The following NKD2 variants were observed in gnomAD, a reference collection of about 807,000 sequenced individuals.
The protein encoded by NKD2 is NKD inhibitor of Wnt signaling pathway 2.
Under a neutral mutation model 34.8 loss-of-function variants are expected in NKD2, and 43 were observed. The ratio of observed to expected loss-of-function variants is 1.24; its 90% confidence interval spans 0.97 to 1.60. NKD2 has a LOEUF of 1.60. NKD2 is among the 40% of genes most tolerant of loss of function. The pLI is 0.00. For missense variants in NKD2, 675 were observed against 627.1 expected (o/e 1.08, Z -0.82); for synonymous variants, 278 against 265.1 (o/e 1.05, Z -0.47).
chr5:1,020,534 T>A, intron 3 of NKD2, among the ~76,000 whole-genome samples: 1 of 152,104 alleles, frequency 6.6e-6, no homozygotes, highest in Middle Eastern at 3.2e-3. Flanking sequence ...CCAGTGGCGC[T>A]CACAGCTTCC....
At chr5:1,017,984 G>T (rs1378163786) in intron 3 of NKD2, among the ~76,000 whole-genome samples, 1 of 152,094 alleles carries the variant, frequency 6.6e-6, no homozygotes, top group African/African-American at 2.4e-5. Context: ...TGGGTGTCAG[G>T]ACAGTGTGTG....
intron 3 of NKD2, among the ~76,000 whole-genome samples, chr5:1,016,771 C>T (rs1755969121): frequency 2.0e-5 from 3 of 152,210 alleles, no homozygotes; most frequent in African/African-American, 4.8e-5. Context: ...CTAAGGGGGA[C>T]GTGACAAGAG....
intron 4 of NKD2, 92 bp from the exon 5 acceptor site, chr5:1,033,280 G>C (rs1287001851): frequency 8.2e-7 from 1 of 1,214,060 alleles, no homozygotes; most frequent in Non-Finnish European, 1.2e-6. Context: ...GGATCATGGT[G>C]TGGTGAGGGG....
intron 3 of NKD2, among the ~76,000 whole-genome samples, chr5:1,015,961 G>A (rs1164933707): frequency 2.6e-5 from 4 of 152,206 alleles, no homozygotes; most frequent in Admixed American, 6.5e-5. Context: ...CTGAGCCGTC[G>A]TCTGTCACAG....
chr5:1,015,777 C>A (rs773300824), intron 3 of NKD2, among the ~76,000 whole-genome samples: 2 of 152,192 alleles, frequency 1.3e-5, no homozygotes, highest in Non-Finnish European at 2.9e-5. Context: ...GGGGCCTGTG[C>A]TGCGTCCTGG....
intron 9 of NKD2, among the ~76,000 whole-genome samples, chr5:1,036,626 T>G (rs1252445774): frequency 1.3e-5 from 2 of 151,306 alleles, no homozygotes; most frequent in Admixed American, 1.3e-4. Context: ...CCCGTCCAGG[T>G]GTGTGTATGT....
At chr5:1,032,307 T>A (rs1756677143) in intron 4 of NKD2, 95 bp downstream of exon 4, 1 of 971,982 alleles carries the variant, frequency 1.0e-6, no homozygotes, top group Non-Finnish European at 1.6e-6. Flanking sequence ...CAACCCCGTG[T>A]GCGGAGCGAG....
chr5:1,020,313 G>C (rs1425904487), intron 3 of NKD2, among the ~76,000 whole-genome samples: 1 of 152,194 alleles, frequency 6.6e-6, no homozygotes, highest in Non-Finnish European at 1.5e-5. Context: ...GTTCACATAT[G>C]TGAGTACACA....
chr5:1,018,874 G>C (rs879670955), intron 3 of NKD2, among the ~76,000 whole-genome samples: 2 of 152,154 alleles, frequency 1.3e-5, no homozygotes, highest in Non-Finnish European at 2.9e-5. Context: ...AGTGTCACAA[G>C]CTGGGCCCAC....
chr5:1,016,813 AC>A (rs1413881056), intron 3 of NKD2, among the ~76,000 whole-genome samples: 6 of 152,140 alleles, frequency 3.9e-5, no homozygotes, highest in Non-Finnish European at 5.9e-5. Context: ...AACAGAGCCT[AC>A]CCCATCCTCC....
chr5:1,036,289 A>G lies in NKD2; in HGVS notation c.692A>G (p.Glu231Gly), dbSNP rs764972644. The G allele has an allele frequency of 2.1e-5, 34 of 1,611,866 alleles. No homozygotes were observed. The highest frequency in any genetic ancestry group is 2.9e-5 in the Non-Finnish European group (34 of 1,179,396). Residue 231 changes from glutamate to glycine, a missense_variant, in exon 9 of 10, where the codon GAG becomes GGG. Physicochemically the swap from Glu to Gly is moderately conservative, Grantham distance 98. Transcript: ENST00000296849. The stretch of plus-strand genomic sequence containing the variant: ...AGTACTGACCCCCAGCCCTGCTCGG[A>G]GCGGGGGCCCTACTGCGTGGACGAG... ...RPSTDPQPCS[E>G]RGPYCVDENT...
chr5:1,021,569 G>A (rs1050561769), intron 3 of NKD2, among the ~76,000 whole-genome samples: 7 of 151,900 alleles, frequency 4.6e-5, no homozygotes, highest in African/African-American at 1.4e-4. Context: ...CACATGTGTC[G>A]GAATTATTAA....
chr5:1,026,988 C>T (rs902044525), intron 3 of NKD2, among the ~76,000 whole-genome samples: 1 of 152,260 alleles, frequency 6.6e-6, no homozygotes, highest in African/African-American at 2.4e-5. Context: ...CCTGGCAGCC[C>T]AGTTTGTAGG....
At chr5:1,032,385 G>T (rs545780672) in intron 4 of NKD2, among the ~76,000 whole-genome samples, 173 bp downstream of exon 4, 1 of 152,226 alleles carries the variant, frequency 6.6e-6, no homozygotes, top group African/African-American at 2.4e-5. Context: ...CAGGGTCCTC[G>T]CTGGACTGGC....
chr5:1,038,306 G>C lies in NKD2; in HGVS notation c.1289G>C (p.Arg430Pro), dbSNP rs369143981. 1.9e-6 allele frequency: 3 copies of C among 1,543,858 alleles called. No homozygotes were observed. Among genetic ancestry groups the C allele is most frequent in the Non-Finnish European group, 2.6e-6 (3 of 1,150,724 alleles). ...GEGYAVPVIQ[R>P]HEHHHHHEHH... is the part of the protein sequence containing the mutation. ...GGCTACGCGGTGCCAGTGATCCAGCGGCACGAGCACCACCACCACCACGAG... is the reference window on the plus strand; with the variant it reads ...GGCTACGCGGTGCCAGTGATCCAGCCGCACGAGCACCACCACCACCACGAG... The change falls in exon 10 of 10, where the codon CGG (arginine) becomes CCG (proline). Residue 430 changes from arginine (R) to proline (P), a missense_variant. Transcript: ENST00000296849. This position sits in a 1 kb window ranked among gnomAD's most constrained non-coding sequence, Gnocchi z 4.5.
At chr5:1,034,415 G>A (rs574210386) in intron 6 of NKD2, 85 bp downstream of exon 6, 206 of 1,131,284 alleles carry the variant, frequency 1.8e-4, no homozygotes, top group Non-Finnish European at 2.5e-4. Context: ...TACCTCAGGG[G>A]GCAGGAGGGG....
chr5:1,038,699 G>T lies in NKD2; in HGVS notation c.*326G>T. The T allele has an allele frequency of 1.7e-6, 1 of 581,616 alleles. No homozygotes were observed. The highest frequency in any genetic ancestry group is 3.1e-6 in the Non-Finnish European group (1 of 322,630). 36.0% of individuals were successfully genotyped at this position (581,616 alleles called of 1,614,324 possible). On this transcript the variant is annotated 3_prime_UTR_variant, in exon 10 of 10. Coordinates refer to ENST00000296849, the MANE Select transcript of NKD2 (RefSeq NM_033120.4). The surrounding 1 kb of genome is among the most constrained non-coding windows in gnomAD (Gnocchi z 4.5). ...ATTCCAAAATGAGGCCCTGGAGTGC[G>T]CAAGGAGTGCCCGGATGCTTGGGGT...
In NKD2 at chr5:1,033,475, G is replaced by A. The variant is rs76765500; in HGVS notation, c.306G>A (p.Pro102=). The A allele has an allele frequency of 2.1e-3, 3,251 of 1,552,606 alleles. 95 individuals are homozygous for A. The East Asian group carries it at 0.064, about 31-fold the overall frequency. Residue 102 remains proline (P), a synonymous_variant, in exon 5 of 10, where the codon CCG becomes CCA. Transcript: ENST00000296849. ...CAAACCGCGAGGGCCCGCGAGGACC[G>A]GGCGGGCAGCGCCTCAACATTGACG... The part of the protein sequence containing the change: ...RAANREGPRG[P]GGQRLNIDAL...
At chr5:1,029,543 A>G (rs1756556591) in intron 3 of NKD2, among the ~76,000 whole-genome samples, 1 of 152,158 alleles carries the variant, frequency 6.6e-6, no homozygotes, top group African/African-American at 2.4e-5. Context: ...GTCTGTAACC[A>G]GTGAAATCCC....
Sources: gnomAD v4.1 joint callset for allele counts (sites outside exome capture counted in the v4.1 genomes callset) on GRCh38, gnomAD v4.1.1 for gene constraint, Gnocchi (gnomAD v3.1) non-coding constraint, MANE v1.5 for transcripts, NCBI Gene and HGNC (gene_info 2026-07-23, HGNC 2026-07-21) for gene names.